Variants in ROR2 observed in about 807,000 individuals in gnomAD.
ROR2 encodes ROR family WNT receptor 2, also known as tyrosine-protein kinase transmembrane receptor ROR2.
In ROR2, 33 loss-of-function variants were observed where a neutral mutation model predicts 74.9. The ratio of observed to expected loss-of-function variants is 0.44; its 90% CI spans 0.33 to 0.59. The LOEUF (loss-of-function observed/expected upper bound fraction) is 0.59. Ranked by LOEUF, ROR2 falls within the 20% of genes least tolerant of loss-of-function variation. The probability of loss-of-function intolerance (pLI) is 0.02; values close to 1 mark genes in which losing one functional copy is unlikely to be tolerated. For missense variants in ROR2, 1,216 were observed against 1,313.8 expected (o/e 0.93, Z 1.15); for synonymous variants, 586 against 558.7 (o/e 1.05, Z -0.69).
At chr9:91,731,340 T>C (rs985365635) in intron 6 of ROR2, among the ~76,000 whole-genome samples, 185 bp from the exon 7 acceptor site, 5 of 152,154 alleles carry the variant, frequency 3.3e-5, no homozygotes, top group Admixed American at 6.5e-5. Context: ...ACATCAGGGA[T>C]AGGCATGGGG....
chr9:91,747,118 C>T (rs913355265), intron 4 of ROR2, among the ~76,000 whole-genome samples: 5 of 152,192 alleles, frequency 3.3e-5, no homozygotes, highest in African/African-American at 1.2e-4. Context: ...AGACAGGCAG[C>T]CTAGCATTAA....
intron 2 of ROR2, among the ~76,000 whole-genome samples, chr9:91,771,321 A>T (rs531037571): frequency 2.4e-4 from 37 of 152,218 alleles, no homozygotes; most frequent in Non-Finnish European, 5.0e-4. Context: ...TCCACTTCCC[A>T]CAAACATTCC....
rs750081415 is a variant in ROR2, at chr9:91,726,514, C to T, written c.1386+27G>A. 14 of 1,606,184 alleles carry T rather than the reference C, an allele frequency of 8.7e-6. No individual in the cohort carries two copies. The East Asian group carries it at 8.9e-5, about 10-fold the overall frequency. ...GAGGATTAAACCTGGAAGAGCCACCCGGGTAGAAAATGTAAGGCATGGAGA... is the reference window on the plus strand; with the variant it reads ...GAGGATTAAACCTGGAAGAGCCACCTGGGTAGAAAATGTAAGGCATGGAGA... On this transcript the variant is annotated intron_variant, in intron 8 of 8. Coordinates refer to ENST00000375708, the MANE Select transcript of ROR2 (RefSeq NM_004560.4).
intron 1 of ROR2, among the ~76,000 whole-genome samples, chr9:91,882,004 C>T (rs2119367018): frequency 6.6e-6 from 1 of 152,258 alleles, no homozygotes; most frequent in East Asian, 1.9e-4. Context: ...ACAGGAGCCA[C>T]CTCTCCTTGT....
At chr9:91,940,995 C>CCT (rs1371174537) in intron 1 of ROR2, among the ~76,000 whole-genome samples, 17 of 110,742 alleles carry the variant, frequency 1.5e-4, no homozygotes, top group Non-Finnish European at 2.4e-4. Context: ...ATTTTTAATT[C>CCT]TTTTTTTTTT....
At chr9:91,867,092 C>T (rs907619535) in intron 1 of ROR2, among the ~76,000 whole-genome samples, 8 of 152,148 alleles carry the variant, frequency 5.3e-5, no homozygotes, top group African/African-American at 1.4e-4. Context: ...AAACCTGGAA[C>T]GAATAGGGGA....
chr9:91,945,727 G>C (rs1217216803), intron 1 of ROR2, among the ~76,000 whole-genome samples: 1 of 152,132 alleles, frequency 6.6e-6, no homozygotes. Flanking sequence ...TCCCTATTTT[G>C]TAAAAGCTTT....
rs1301241872 is a variant in ROR2 at position 91,947,884 on chromosome 9, TTTA to T, written c.97+1980_97+1982del. 2.6e-5 allele frequency among the ~76,000 whole-genome samples: 4 copies of T among 152,168 alleles called. 1 individual carries two copies. Among genetic ancestry groups the T allele is most frequent in the African/African-American group, 7.2e-5 (3 of 41,446 alleles). On this transcript the variant is annotated intron_variant, in intron 1 of 8. Coordinates refer to ENST00000375708, the MANE Select transcript of ROR2 (RefSeq NM_004560.4). The stretch of plus-strand genomic sequence containing the variant: ...CTCAAATCTCCTGTAATCATATAAT[TTTA>T]TTATTATTTTGAATAAAAATTATCA...
intron 1 of ROR2, among the ~76,000 whole-genome samples, chr9:91,914,774 A>AG (rs1831086557): frequency 8.0e-6 from 1 of 125,490 alleles, no homozygotes; most frequent in Non-Finnish European, 1.8e-5. Flanking sequence ...TGTCATGACT[A>AG]GGGGTCACCT....
At chr9:91,855,050 G>C (rs1829235452) in intron 1 of ROR2, among the ~76,000 whole-genome samples, 1 of 152,050 alleles carries the variant, frequency 6.6e-6, no homozygotes, top group Non-Finnish European at 1.5e-5. Flanking sequence ...CAGGAGAATG[G>C]AACTGTTCTG....
intron 1 of ROR2, among the ~76,000 whole-genome samples, chr9:91,793,657 G>A (rs1192614249): frequency 6.6e-6 from 1 of 151,748 alleles, no homozygotes; most frequent in Non-Finnish European, 1.5e-5. Flanking sequence ...AGCTACTCAG[G>A]AGGCTGAGGC....
intron 2 of ROR2, among the ~76,000 whole-genome samples, chr9:91,766,811 G>A (rs998731682): frequency 1.3e-5 from 2 of 152,090 alleles, no homozygotes; most frequent in African/African-American, 4.8e-5. Context: ...CTTGGATTTG[G>A]GCAGCACTCA....
chr9:91,944,173 A>G (rs1323280967), intron 1 of ROR2, among the ~76,000 whole-genome samples: 2 of 152,234 alleles, frequency 1.3e-5, no homozygotes, highest in Non-Finnish European at 2.9e-5. Flanking sequence ...CCTAGGCTAC[A>G]ACAAACCTAT....
intron 1 of ROR2, among the ~76,000 whole-genome samples, chr9:91,862,262 G>A (rs901472907): frequency 1.7e-4 from 26 of 152,052 alleles, no homozygotes; most frequent in Non-Finnish European, 1.0e-4. Flanking sequence ...CCCAGGAAGC[G>A]GAGCTTGCAG....
intron 1 of ROR2, chr9:91,949,007 C>A: frequency 1.1e-6 from 1 of 893,674 alleles, no homozygotes; most frequent in Non-Finnish European, 1.3e-6. Context: ...CGCCCCGGAT[C>A]CAAGCAGCCG....
intron 1 of ROR2, among the ~76,000 whole-genome samples, chr9:91,868,709 T>C (rs991468709): frequency 3.9e-5 from 6 of 152,240 alleles, no homozygotes; most frequent in Non-Finnish European, 8.8e-5. Context: ...CCCAGAATTC[T>C]ATACCCAGTG....
At position 91,905,961 on chromosome 9, in the gene ROR2, C is replaced by A. The variant is rs2119441889; in HGVS notation, c.97+43906G>T. On this transcript the variant is annotated intron_variant, in intron 1 of 8. Coordinates refer to ENST00000375708, the MANE Select transcript of ROR2 (RefSeq NM_004560.4). This position sits in a 1 kb window ranked among gnomAD's most constrained non-coding sequence, Gnocchi z 5.3. The stretch of plus-strand genomic sequence containing the variant: ...ACCCTGAATTGGTGGTTTTAAGAAA[C>A]TATTATTAATGAAGAAGCAAAAACA... Among the ~76,000 whole-genome samples the A allele has an allele frequency of 1.3e-5, 2 of 150,690 alleles. No homozygotes were observed. Among genetic ancestry groups the A allele is most frequent in the East Asian group, 1.9e-4 (1 of 5,134 alleles).
rs141093530 is a variant in ROR2, at chr9:91,757,501, C to T, written c.234G>A (p.Thr78=). 9.0e-5 allele frequency: 145 copies of T among 1,613,694 alleles called. No individual in the cohort carries two copies. In the African/African-American group the frequency reaches 1.5e-3, roughly 16 times the overall value. ...CTGCCACCTTGCAGTGCAGAATTGC[C>T]GTCTGGCCTTGGACAATGGTGATAT... ...VNNITIVQGQ[T]AILHCKVAGN... Residue 78 remains threonine, a synonymous_variant, in exon 3 of 9, where the codon ACG becomes ACA. Coordinates refer to ENST00000375708, the MANE Select transcript of ROR2 (RefSeq NM_004560.4).
intron 4 of ROR2, among the ~76,000 whole-genome samples, chr9:91,750,405 A>G (rs1311199071): frequency 3.9e-5 from 6 of 152,192 alleles, no homozygotes; most frequent in Non-Finnish European, 7.3e-5. Flanking sequence ...TTTTATGTAC[A>G]TTTTTGGTTA....
Sources: allele counts gnomAD v4.1 joint callset (sites outside exome capture counted in the v4.1 genomes callset), GRCh38; gene constraint gnomAD v4.1.1; non-coding constraint Gnocchi (gnomAD v3.1); transcripts MANE v1.5; gene names NCBI Gene and HGNC (gene_info 2026-07-23, HGNC 2026-07-21).